The following DECR1 variants were observed in gnomAD, a reference collection of about 807,000 sequenced individuals.
The protein encoded by DECR1 is 2,4-dienoyl-CoA reductase 1, also known as 2,4-dienoyl-CoA reductase [(3E)-enoyl-CoA-producing], mitochondrial.
In DECR1, 44 loss-of-function variants were observed where a neutral mutation model predicts 38.8. The ratio of observed to expected loss-of-function variants is 1.13; its 90% CI spans 0.89 to 1.46. The LOEUF is 1.46. Ranked by LOEUF, DECR1 falls within the 40% of genes most tolerant of loss-of-function variation. The pLI is 0.00. For missense variants in DECR1, 428 were observed against 405.5 expected (o/e 1.06, Z -0.48); for synonymous variants, 148 against 135.2 (o/e 1.09, Z -0.66).
intron 2 of DECR1, among the ~76,000 whole-genome samples, chr8:90,017,766 A>AT (rs1033964776): frequency 8.9e-4 from 134 of 150,336 alleles, no homozygotes; most frequent in African/African-American, 2.9e-3. Context: ...CAAAAGAAAC[A>AT]TTTTTTTTTT....
intron 6 of DECR1, among the ~76,000 whole-genome samples, chr8:90,041,977 T>C (rs943445612): frequency 3.3e-5 from 5 of 152,180 alleles, no homozygotes; most frequent in Non-Finnish European, 7.4e-5. Flanking sequence ...AATATACATA[T>C]GAATGTAAAT....
At chr8:90,050,858 GT>G (rs1234415977) in intron 8 of DECR1, among the ~76,000 whole-genome samples, 9 of 152,148 alleles carry the variant, frequency 5.9e-5, no homozygotes, top group Admixed American at 1.3e-4. Flanking sequence ...AAAAGGATGA[GT>G]TCATGTCCTT....
At chr8:90,028,564 A>G (rs1277555078) in intron 5 of DECR1, among the ~76,000 whole-genome samples, 2 of 152,126 alleles carry the variant, frequency 1.3e-5, no homozygotes. Context: ...CACAAGTTGT[A>G]TATTAAATAA....
intron 6 of DECR1, among the ~76,000 whole-genome samples, chr8:90,039,571 C>T (rs1813698739): frequency 1.3e-5 from 2 of 152,172 alleles, no homozygotes; most frequent in African/African-American, 2.4e-5. Context: ...GGTGGGGACA[C>T]AGAGCCAAAC....
chr8:90,002,183 C>A lies in DECR1; in HGVS notation c.69+622C>A, dbSNP rs1812632789. On this transcript the variant is annotated intron_variant, in intron 1 of 9. Transcript: ENST00000220764. ...GGAAGGATACGGCGCCCGTCCACCC[C>A]TTAAGGAGTGAGAGGGGATCAGGCC... 2.0e-5 allele frequency among the ~76,000 whole-genome samples: 3 copies of A among 152,164 alleles called. No individual in the cohort carries two copies. In the South Asian group the frequency reaches 6.2e-4, roughly 32 times the overall value.
intron 6 of DECR1, among the ~76,000 whole-genome samples, chr8:90,041,756 A>G (rs1813769906): frequency 6.6e-6 from 1 of 152,156 alleles, no homozygotes; most frequent in African/African-American, 2.4e-5. Flanking sequence ...TATTGCAGTT[A>G]TATGGAACAT....
intron 1 of DECR1, 38 bp downstream of exon 1, chr8:90,001,599 G>T (rs771075198): frequency 9.4e-5 from 147 of 1,571,938 alleles, no homozygotes; most frequent in Non-Finnish European, 1.2e-4. Flanking sequence ...AGGACAGGGC[G>T]TCTCGACGCG....
chr8:90,035,265 C>T (rs181343569), intron 5 of DECR1, among the ~76,000 whole-genome samples: 28 of 152,088 alleles, frequency 1.8e-4, no homozygotes, highest in Non-Finnish European at 2.8e-4. Context: ...TTACCAAATT[C>T]GGAATTTTTT....
intron 1 of DECR1, among the ~76,000 whole-genome samples, chr8:90,013,550 C>T (rs536547005): frequency 3.9e-5 from 6 of 151,956 alleles, no homozygotes; most frequent in South Asian, 2.1e-4. Flanking sequence ...CTGTGTGAGT[C>T]GGGGCTGGAC....
Position 90,042,803 on chromosome 8 carries a change from A to G in DECR1, c.738+3A>G, listed in dbSNP as rs777088300. On this transcript the variant is annotated splice_donor_region_variant and intron_variant, in intron 7 of 9. Coordinates refer to ENST00000220764, the MANE Select transcript of DECR1 (RefSeq NM_001359.2). ...AACCAGGGCCTATAAAAACCAAAGT[A>G]AGTTGTATTTTGCTTGTTATCACAT... is the stretch of plus-strand genomic sequence containing the variant. 2.5e-6 allele frequency: 4 copies of G among 1,611,526 alleles called. No individual in the cohort carries two copies. In the Admixed American group the frequency reaches 5.0e-5, roughly 20 times the overall value.
chr8:90,051,703 A>C lies in DECR1; in HGVS notation c.912A>C (p.Glu304Asp). 2 of 1,612,616 alleles carry C rather than the reference A, an allele frequency of 1.2e-6. No individual in the cohort carries two copies. The highest frequency in any genetic ancestry group is 1.7e-6 in the Non-Finnish European group (2 of 1,179,820). Residue 304 changes from glutamate to aspartate, a missense_variant, in exon 9 of 10, where the codon GAA (glutamate) becomes GAC (aspartate). Transcript: ENST00000220764. ...GAVIKFDGGE[E>D]VLISGEFNDL... ...TCATTAAATTTGACGGTGGAGAGGA[A>C]GTACTTATTTCAGGGGAATTCAACG...
At chr8:90,031,004 T>G (rs1813480596) in intron 5 of DECR1, among the ~76,000 whole-genome samples, 1 of 152,134 alleles carries the variant, frequency 6.6e-6, no homozygotes, top group Admixed American at 6.6e-5. Flanking sequence ...GATTTGAGAA[T>G]TTTGAAAATA....
intron 1 of DECR1, chr8:90,006,313 A>G (rs1812739597): frequency 2.8e-6 from 2 of 704,006 alleles, no homozygotes; most frequent in Non-Finnish European, 5.2e-6. Context: ...GTTGTTTGGT[A>G]TATATCAAAG....
chr8:90,002,567 C>T, intron 1 of DECR1, among the ~76,000 whole-genome samples: 1 of 152,208 alleles, frequency 6.6e-6, no homozygotes, highest in South Asian at 2.1e-4. Context: ...AACTAAAAAG[C>T]ACATTTTCTT....
chr8:90,018,972 T>C lies in DECR1; in HGVS notation c.330+6T>C. 1 of 1,592,204 alleles carries C rather than the reference T, an allele frequency of 6.3e-7. No individual in the cohort carries two copies. Among genetic ancestry groups the C allele is most frequent in the Non-Finnish European group, 8.6e-7 (1 of 1,164,200 alleles). On this transcript the variant is annotated splice_donor_region_variant and intron_variant, in intron 3 of 9. Coordinates refer to ENST00000220764, the MANE Select transcript of DECR1 (RefSeq NM_001359.2). ...CTTCTCAAACTGGAAATAAGGTACA[T>C]TAAAAATCAGTTATTTAATTTAGAT...
intron 6 of DECR1, among the ~76,000 whole-genome samples, chr8:90,037,366 A>G (rs1436990528): frequency 6.6e-6 from 1 of 151,968 alleles, no homozygotes; most frequent in Admixed American, 6.6e-5. Flanking sequence ...TTTATTGTAG[A>G]TACTGTATAA....
At chr8:90,020,862 T>C in intron 4 of DECR1, 47 bp from the exon 5 acceptor site, 2 of 1,453,040 alleles carry the variant, frequency 1.4e-6, no homozygotes, top group Non-Finnish European at 1.8e-6. Flanking sequence ...AGGGAAAATG[T>C]TTTTCCTCAT....
chr8:90,034,606 C>A (rs779395969), intron 5 of DECR1, among the ~76,000 whole-genome samples: 1 of 152,044 alleles, frequency 6.6e-6, no homozygotes, highest in Admixed American at 6.6e-5. Context: ...CATGCCCTAC[C>A]ACACCTGGCT....
At chr8:90,039,783 A>G (rs559164811) in intron 6 of DECR1, among the ~76,000 whole-genome samples, 5 of 152,326 alleles carry the variant, frequency 3.3e-5, no homozygotes, top group African/African-American at 1.2e-4. Context: ...CTGATTCATT[A>G]TATAACCAGG....
Sources: allele counts gnomAD v4.1 joint callset (sites outside exome capture counted in the v4.1 genomes callset), GRCh38; gene constraint gnomAD v4.1.1; transcripts MANE v1.5; gene names NCBI Gene and HGNC (gene_info 2026-07-23, HGNC 2026-07-21).